Variants in DDX25 observed in about 807,000 individuals in gnomAD.
DDX25 encodes the protein ATP-dependent RNA helicase DDX25.
A neutral mutation model predicts 64.6 loss-of-function variants in DDX25; 70 were observed. The observed-to-expected ratio is 1.08, with a 90% CI of 0.89 to 1.32. DDX25 has a LOEUF of 1.32. DDX25 is among the 40% of genes most tolerant of loss of function. The probability of loss-of-function intolerance (pLI) is 0.00; values close to 1 mark genes in which losing one functional copy is unlikely to be tolerated. For missense variants in DDX25, 587 were observed against 604.4 expected (o/e 0.97, Z 0.30); for synonymous variants, 211 against 213.3 (o/e 0.99, Z 0.09).
chr11:125,922,063 A>G (rs1478599965), intron 11 of DDX25: 1 of 151,606 alleles, frequency 6.6e-6, no homozygotes, highest in African/African-American at 2.4e-5. Flanking sequence ...TCTTTTACTT[A>G]CGCTTTTTCC....
chr11:125,904,715 A>G, intron 1 of DDX25, 135 bp downstream of exon 1: 2 of 1,076,414 alleles, frequency 1.9e-6, no homozygotes, highest in Non-Finnish European at 2.7e-6. Flanking sequence ...GAGATGCGGG[A>G]AGGGTTTGGA....
Position 125,924,117 on chromosome 11 carries a change from T to C in DDX25, c.*1236T>C, listed in dbSNP as rs1488175748. The C allele has an allele frequency of 6.6e-6, 1 of 151,882 alleles. No homozygotes were observed. The highest frequency in any genetic ancestry group is 1.5e-5 in the Non-Finnish European group (1 of 68,012). The allele number at this position is 151,882 out of a possible 1,614,324, so 9.4% of individuals were successfully genotyped here. On this transcript the variant is annotated 3_prime_UTR_variant, in exon 12 of 12. Coordinates refer to ENST00000263576, the MANE Select transcript of DDX25 (RefSeq NM_013264.5). ...CCTTCTCTACTAAAAATATAAAAAT[T>C]AGCTGGGCGTGGTGGTACGCGTGCC...
At chr11:125,920,855 G>C in intron 10 of DDX25, 1 of 210,336 alleles carries the variant, frequency 4.8e-6, no homozygotes, top group Non-Finnish European at 9.6e-6. Context: ...TGGCACAGCA[G>C]GAGCAGAGAG....
In DDX25 at chr11:125,921,303, T is replaced by G. The variant is rs745749483; in HGVS notation, c.1314T>G (p.Phe438Leu). The G allele has an allele frequency of 6.2e-7, 1 of 1,613,690 alleles. No homozygotes were observed. The highest frequency in any genetic ancestry group is 8.5e-7 in the Non-Finnish European group (1 of 1,179,814). The change falls in exon 11 of 12, where the codon TTT becomes TTG. Residue 438 changes from phenylalanine to leucine, a missense_variant. Physicochemically the swap from Phe to Leu is conservative, Grantham distance 22. Transcript: ENST00000263576. This position sits in a 1 kb window ranked among gnomAD's most constrained non-coding sequence, Gnocchi z 4.1. ...ACCGCATAGGGCGGACGGGGCGCTT[T>G]GGGAAAAAAGGCCTTGCCTTCAACA... ...YLHRIGRTGRFGKKGLAFNMI... is the reference protein window; with the variant it reads ...YLHRIGRTGRLGKKGLAFNMI...
chr11:125,916,955 T>C, intron 8 of DDX25, 59 bp from the exon 9 acceptor site: 1 of 1,495,434 alleles, frequency 6.7e-7, no homozygotes. Context: ...TGGCATGAAG[T>C]GCTTGAAGAA....
Position 125,921,011 on chromosome 11 carries a change from A to G in DDX25, c.1202-180A>G, listed in dbSNP as rs1945106690. 2 of 608,584 alleles carry G rather than the reference A, an allele frequency of 3.3e-6. No individual in the cohort carries two copies. Among genetic ancestry groups the G allele is most frequent in the Non-Finnish European group, 2.9e-6 (1 of 349,834 alleles). 37.7% of individuals were successfully genotyped at this position (608,584 alleles called of 1,614,324 possible). ...TCTATGGACACGCTCATCTAGCATC[A>G]TAGACATCACAGCATGCAAGCAAAC... On this transcript the variant is annotated intron_variant, in intron 10 of 11. Coordinates refer to ENST00000263576, the MANE Select transcript of DDX25 (RefSeq NM_013264.5). This position sits in a 1 kb window ranked among gnomAD's most constrained non-coding sequence, Gnocchi z 4.1.
At position 125,921,072 on chromosome 11, in the gene DDX25, C is replaced by G; in HGVS notation, c.1202-119C>G. 1 of 1,032,122 alleles carries G rather than the reference C, an allele frequency of 9.7e-7. No individual in the cohort carries two copies. The highest frequency in any genetic ancestry group is 1.4e-6 in the Non-Finnish European group (1 of 732,036). The allele number at this position is 1,032,122 out of a possible 1,614,324, so 63.9% of individuals were successfully genotyped here. On this transcript the variant is annotated intron_variant, in intron 10 of 11. Coordinates refer to ENST00000263576, the MANE Select transcript of DDX25 (RefSeq NM_013264.5). The surrounding 1 kb of genome is among the most constrained non-coding windows in gnomAD (Gnocchi z 4.1). ...AAGTACCTGTCTCAATTACATAAGCCCTGGTTGGATTTCTAAATTTTCTCT... is the reference window on the plus strand; with the variant it reads ...AAGTACCTGTCTCAATTACATAAGCGCTGGTTGGATTTCTAAATTTTCTCT...
rs1455843691 is a variant in DDX25, at chr11:125,926,764, C to T, written c.*3883C>T. 1.3e-5 allele frequency: 2 copies of T among 152,206 alleles called. No individual in the cohort carries two copies. Among genetic ancestry groups the T allele is most frequent in the African/African-American group, 4.8e-5 (2 of 41,504 alleles). The allele number at this position is 152,206 out of a possible 1,614,324, so 9.4% of individuals were successfully genotyped here. A position where few individuals can be genotyped will look rare whatever the true frequency, so the allele number is the denominator to read the frequency against. ...GTTTCACCGTATTGGTCAGGCTGGT[C>T]TCGAACTCGTGACCTCAGGTGATCC... On this transcript the variant is annotated 3_prime_UTR_variant, in exon 12 of 12. Coordinates refer to ENST00000263576, the MANE Select transcript of DDX25 (RefSeq NM_013264.5).
chr11:125,906,298 CTCTT>C, intron 4 of DDX25, 89 bp downstream of exon 4: 1 of 1,396,760 alleles, frequency 7.2e-7, no homozygotes, highest in Non-Finnish European at 9.3e-7. Flanking sequence ...TCAGGATCTC[CTCTT>C]TGTTTTCTGA....
Position 125,925,380 on chromosome 11 carries a change from CAT to C in DDX25, c.*2500_*2501del, listed in dbSNP as rs1159991878. Reference sequence around the variant, plus strand: ...CTCACCACCTAGGAGGCAGCAAAGCCATCCTGTGTCACAGCTGCATTAACACG... The same window carrying C: ...CTCACCACCTAGGAGGCAGCAAAGCCCCTGTGTCACAGCTGCATTAACACG... On this transcript the variant is annotated 3_prime_UTR_variant, in exon 12 of 12. Coordinates refer to ENST00000263576, the MANE Select transcript of DDX25 (RefSeq NM_013264.5). The C allele has an allele frequency of 2.2e-6, 1 of 456,142 alleles. No individual in the cohort carries two copies. The highest frequency in any genetic ancestry group is 1.5e-5 in the South Asian group (1 of 64,540). The allele number at this position is 456,142 out of a possible 1,614,324, so 28.3% of individuals were successfully genotyped here. A position where few individuals can be genotyped will look rare whatever the true frequency, so the allele number is the denominator to read the frequency against.
chr11:125,923,347 T>A lies in DDX25; in HGVS notation c.*466T>A, dbSNP rs1200089632. 1 of 153,968 alleles carries A rather than the reference T, an allele frequency of 6.5e-6. No homozygotes were observed. The highest frequency in any genetic ancestry group is 1.4e-5 in the Non-Finnish European group (1 of 69,326). The allele number at this position is 153,968 out of a possible 1,614,324, so 9.5% of individuals were successfully genotyped here. ...CCGCTCCCCGCCTTAAACTCCCCCA[T>A]GCATGCACATGCATGTTCTTAAGTG... is the stretch of plus-strand genomic sequence containing the variant. On this transcript the variant is annotated 3_prime_UTR_variant, in exon 12 of 12. Transcript: ENST00000263576.
intron 4 of DDX25, among the ~76,000 whole-genome samples, chr11:125,907,594 C>A (rs372290180): frequency 2.0e-5 from 3 of 150,064 alleles, no homozygotes; most frequent in Non-Finnish European, 3.0e-5. Flanking sequence ...GGCGACAGAG[C>A]AAGACTCCGT....
chr11:125,917,269 G>A lies in DDX25; in HGVS notation c.1038+18G>A. The A allele has an allele frequency of 6.3e-7, 1 of 1,578,732 alleles. No individual in the cohort carries two copies. The highest frequency in any genetic ancestry group is 1.2e-5 in the South Asian group (1 of 86,312). ...TCTGCCAGGTACACTCTGTGGATGT[G>A]TCTTCATCGAGCCCAGATATGCCTA... On this transcript the variant is annotated intron_variant, in intron 9 of 11. Transcript: ENST00000263576.
intron 10 of DDX25, chr11:125,920,967 T>C (rs1945105346): frequency 1.9e-6 from 1 of 524,330 alleles, no homozygotes; most frequent in South Asian, 2.6e-5. Context: ...TTGTGTATAT[T>C]TACATTTCTG....
intron 7 of DDX25, among the ~76,000 whole-genome samples, chr11:125,910,892 A>C (rs1944957892): frequency 6.6e-6 from 1 of 151,786 alleles, no homozygotes. Context: ...TCACATAGTA[A>C]ACAGGCAAGC....
In DDX25 at chr11:125,921,093, T is replaced by C. The variant is rs553501483; in HGVS notation, c.1202-98T>C. 14 of 1,279,878 alleles carry C rather than the reference T, an allele frequency of 1.1e-5. No individual in the cohort carries two copies. The East Asian group carries it at 2.0e-4, about 19-fold the overall frequency. The allele number at this position is 1,279,878 out of a possible 1,614,324, so 79.3% of individuals were successfully genotyped here. A position where few individuals can be genotyped will look rare whatever the true frequency, so the allele number is the denominator to read the frequency against. On this transcript the variant is annotated intron_variant, in intron 10 of 11. Transcript: ENST00000263576. This position sits in a 1 kb window ranked among gnomAD's most constrained non-coding sequence, Gnocchi z 4.1. ...AAGCCCTGGTTGGATTTCTAAATTT[T>C]CTCTATAAATAGGAATTCCCTTGGC...
chr11:125,920,958 T>G, intron 10 of DDX25: 5 of 501,992 alleles, frequency 1.0e-5, no homozygotes, highest in Non-Finnish European at 1.4e-5. Flanking sequence ...ACACACGCCT[T>G]GTGTATATTT....
Position 125,911,496 on chromosome 11 carries a change from TCA to T in DDX25, c.800+9_800+10del. ...TAGTATTCGTATTCAAAGGTAATCTTCAGAGTCTTCCTCTCTTCCTCAGCCTT... is the reference window on the plus strand; with the variant it reads ...TAGTATTCGTATTCAAAGGTAATCTTGAGTCTTCCTCTCTTCCTCAGCCTT... On this transcript the variant is annotated intron_variant, in intron 8 of 11. Transcript: ENST00000263576. 1 of 1,612,562 alleles carries T rather than the reference TCA, an allele frequency of 6.2e-7. No individual in the cohort carries two copies. Among genetic ancestry groups the T allele is most frequent in the Non-Finnish European group, 8.5e-7 (1 of 1,179,178 alleles).
At chr11:125,907,377 G>C (rs1944902765) in intron 4 of DDX25, among the ~76,000 whole-genome samples, 1 of 152,126 alleles carries the variant, frequency 6.6e-6, no homozygotes, top group African/African-American at 2.4e-5. Context: ...GGGAGGCCAA[G>C]GGGGGCGGAT....
Sources: gnomAD v4.1 joint callset for allele counts (sites outside exome capture counted in the v4.1 genomes callset) on GRCh38, gnomAD v4.1.1 for gene constraint, Gnocchi (gnomAD v3.1) non-coding constraint, MANE v1.5 for transcripts, NCBI Gene and HGNC (gene_info 2026-07-23, HGNC 2026-07-21) for gene names.